Variants in NCAPH observed in about 807,000 individuals in gnomAD.
NCAPH encodes the protein condensin complex subunit 2.
NCAPH carries 38 observed loss-of-function variants against 85.5 expected under a neutral mutation model. The observed-to-expected ratio is 0.44, with a 90% CI of 0.34 to 0.58. The LOEUF (loss-of-function observed/expected upper bound fraction) is 0.58, where lower values mean the gene tolerates loss of function less well. Ranked by LOEUF, NCAPH falls within the 20% of genes least tolerant of loss-of-function variation. NCAPH has a pLI of 0.01. For missense variants in NCAPH, 789 were observed against 916.6 expected (o/e 0.86, Z 1.80); for synonymous variants, 301 against 335.1 (o/e 0.90, Z 1.11).
In NCAPH at chr2:96,352,057, G is replaced by C. The variant is rs373856040; in HGVS notation, c.910+37G>C. 1.9e-6 allele frequency: 3 copies of C among 1,546,014 alleles called. No individual in the cohort carries two copies. In the African/African-American group the frequency reaches 4.1e-5, roughly 21 times the overall value. On this transcript the variant is annotated intron_variant, in intron 7 of 17. Coordinates refer to ENST00000240423, the MANE Select transcript of NCAPH (RefSeq NM_015341.5). ...TGATGCCTTTCACCAGAGCATTTCA[G>C]TCATTGGGGAATTTTTTTACATAAC...
chr2:96,373,350 G>A lies in NCAPH; in HGVS notation c.2225G>A (p.Ter742=). 6.2e-7 allele frequency: 1 copy of A among 1,613,772 alleles called. No individual in the cohort carries two copies. Among genetic ancestry groups the A allele is most frequent in the Non-Finnish European group, 8.5e-7 (1 of 1,179,780 alleles). ...GATGTTCTTGTGAGGCAAGGAGATT[G>A]AGTTCACTATGGAGAAGTCAGCAGC... ...LSDVLVRQGD[*] is the part of the protein sequence containing the mutation. Residue 742 remains the stop codon, a stop_retained_variant, in exon 18 of 18, where the codon TGA becomes TAA. Coordinates refer to ENST00000240423, the MANE Select transcript of NCAPH (RefSeq NM_015341.5).
Position 96,364,533 on chromosome 2 carries a change from T to A in NCAPH, c.1640T>A (p.Ile547Asn), listed in dbSNP as rs2064668237. The A allele has an allele frequency of 6.2e-7, 1 of 1,613,772 alleles. No homozygotes were observed. The highest frequency in any genetic ancestry group is 1.3e-5 in the African/African-American group (1 of 74,914). The change falls in exon 13 of 18, where the codon ATT (isoleucine) becomes AAT (asparagine). Residue 547 changes from isoleucine (I) to asparagine (N), a missense_variant. Coordinates refer to ENST00000240423, the MANE Select transcript of NCAPH (RefSeq NM_015341.5). ...HRVETEHYEE[I>N]EDYDYNNPND... ...GTAGAGACTGAGCATTATGAAGAAATTGAAGACTATGATTACAACAACCCT... is the reference window on the plus strand; with the variant it reads ...GTAGAGACTGAGCATTATGAAGAAAATGAAGACTATGATTACAACAACCCT...
At chr2:96,359,780 T>C (rs1160909663) in intron 10 of NCAPH, among the ~76,000 whole-genome samples, 1 of 152,180 alleles carries the variant, frequency 6.6e-6, no homozygotes, top group African/African-American at 2.4e-5. Flanking sequence ...CATGCCAGCA[T>C]GCTCAGTTAA....
chr2:96,335,837 C>T lies in NCAPH; in HGVS notation c.8C>T (p.Pro3Leu). 1.3e-6 allele frequency: 2 copies of T among 1,497,036 alleles called. No homozygotes were observed. Among genetic ancestry groups the T allele is most frequent in the African/African-American group, 1.5e-5 (1 of 68,258 alleles). The allele number at this position is 1,497,036 out of a possible 1,614,324, so 92.7% of individuals were successfully genotyped here. A position where few individuals can be genotyped will look rare whatever the true frequency, so the allele number is the denominator to read the frequency against. The change falls in exon 1 of 18, where the codon CCT becomes CTT. Residue 3 changes from proline to leucine, a missense_variant. Coordinates refer to ENST00000240423, the MANE Select transcript of NCAPH (RefSeq NM_015341.5). ...AGGAGACGCCAAGGAAAGATGGGAC[C>T]TCCCGGCCCAGGTGAGCCGGGCGGT... Reference protein sequence around the residue: MGPPGPALPATMN... With the variant: MGLPGPALPATMN...
At chr2:96,343,598 G>A (rs191116379) in intron 5 of NCAPH, among the ~76,000 whole-genome samples, 52 of 152,248 alleles carry the variant, frequency 3.4e-4, no homozygotes, top group African/African-American at 1.2e-3. Context: ...ATGGACTTGC[G>A]TGAGAAGCCA....
chr2:96,365,814 C>A, intron 13 of NCAPH, 62 bp from the exon 14 acceptor site: 1 of 1,528,316 alleles, frequency 6.5e-7, no homozygotes, highest in South Asian at 1.1e-5. Context: ...GAGTCTATTT[C>A]AAGGGTGTTT....
intron 9 of NCAPH, 78 bp from the exon 10 acceptor site, chr2:96,358,967 A>G: frequency 4.2e-6 from 6 of 1,416,522 alleles, no homozygotes; most frequent in Non-Finnish European, 5.8e-6. Context: ...AATGCAGCTC[A>G]TTTGCGGACA....
rs1267194865 is a variant in NCAPH, at chr2:96,367,332, A to G, written c.1957A>G (p.Ser653Gly). 1 of 1,613,760 alleles carries G rather than the reference A, an allele frequency of 6.2e-7. No homozygotes were observed. The highest frequency in any genetic ancestry group is 1.3e-5 in the African/African-American group (1 of 75,052). Reference sequence around the variant, plus strand: ...GAAGAAACTGAAGCAGAGCATGTGGAGTCTGCTGACAGCGCTCTCCGGAAA... The same window carrying G: ...GAAGAAACTGAAGCAGAGCATGTGGGGTCTGCTGACAGCGCTCTCCGGAAA... ...DMKKLKQSMW[S>G]LLTALSGKEA... The change falls in exon 15 of 18, where the codon AGT becomes GGT. Residue 653 changes from serine (S) to glycine (G), a missense_variant. Transcript: ENST00000240423.
intron 3 of NCAPH, 39 bp from the exon 4 acceptor site, chr2:96,342,717 C>G: frequency 6.7e-7 from 1 of 1,483,036 alleles, no homozygotes; most frequent in African/African-American, 1.4e-5. Context: ...TGAGCCTAGG[C>G]TATAAATAAC....
At chr2:96,370,221 G>A (rs749800556) in intron 17 of NCAPH, among the ~76,000 whole-genome samples, 3 of 152,236 alleles carry the variant, frequency 2.0e-5, no homozygotes, top group Admixed American at 6.5e-5. Context: ...TTTGGCACGT[G>A]CAGTAGAGGG....
At chr2:96,346,991 C>G (rs1573070358) in intron 6 of NCAPH, among the ~76,000 whole-genome samples, 1 of 152,066 alleles carries the variant, frequency 6.6e-6, no homozygotes, top group African/African-American at 2.4e-5. Context: ...TAGTAATGAG[C>G]CATAAACTAA....
intron 12 of NCAPH, among the ~76,000 whole-genome samples, chr2:96,361,038 TC>T (rs2064600233): frequency 1.5e-5 from 2 of 136,744 alleles, no homozygotes; most frequent in Non-Finnish European, 3.2e-5. Flanking sequence ...CTTTGCTTTC[TC>T]CTTTTTTTTT....
chr2:96,369,825 G>GACT (rs1461064848), intron 17 of NCAPH, among the ~76,000 whole-genome samples: 1 of 152,198 alleles, frequency 6.6e-6, no homozygotes, highest in Non-Finnish European at 1.5e-5. Flanking sequence ...CCAAAGCCTA[G>GACT]TAGTACCAAA....
chr2:96,359,326 G>A, intron 10 of NCAPH, 133 bp downstream of exon 10: 3 of 1,147,742 alleles, frequency 2.6e-6, no homozygotes, highest in Non-Finnish European at 3.7e-6. Context: ...GCATACAGAT[G>A]AGCCAGCCTC....
At chr2:96,343,422 G>T in intron 5 of NCAPH, 118 bp downstream of exon 5, 3 of 1,287,946 alleles carry the variant, frequency 2.3e-6, no homozygotes, top group Non-Finnish European at 3.1e-6. Flanking sequence ...ATTGAAGACA[G>T]GGCATTTTTA....
chr2:96,343,376 TAGA>T (rs2064321493), intron 5 of NCAPH, 72 bp downstream of exon 5: 2 of 1,478,732 alleles, frequency 1.4e-6, no homozygotes, highest in African/African-American at 1.4e-5. Flanking sequence ...AGTAATATAC[TAGA>T]AGAAGGTCAC....
At chr2:96,345,786 T>C (rs149882490) in intron 6 of NCAPH, among the ~76,000 whole-genome samples, 2 of 152,360 alleles carry the variant, frequency 1.3e-5, no homozygotes, top group South Asian at 2.1e-4. Context: ...TGCAAAATGC[T>C]ACCCATTGGG....
chr2:96,362,776 G>A (rs1024413027), intron 12 of NCAPH, among the ~76,000 whole-genome samples: 7 of 152,212 alleles, frequency 4.6e-5, no homozygotes, highest in African/African-American at 7.2e-5. Context: ...ATGAGAAGTT[G>A]TTTCCTATGG....
At position 96,374,772 on chromosome 2, in the gene NCAPH, T is replaced by C. The variant is rs1174886633; in HGVS notation, c.*1421T>C. 6.6e-6 allele frequency among the ~76,000 whole-genome samples: 1 copy of C among 152,218 alleles called. No homozygotes were observed. Among genetic ancestry groups the C allele is most frequent in the African/African-American group, 2.4e-5 (1 of 41,466 alleles). On this transcript the variant is annotated 3_prime_UTR_variant, in exon 18 of 18. Coordinates refer to ENST00000240423, the MANE Select transcript of NCAPH (RefSeq NM_015341.5). The stretch of plus-strand genomic sequence containing the variant: ...TTGCTGGGGCTGAAGCCTCCATCAC[T>C]TTCCCAGGCCAGGTTAGTGCTGGGC...
Sources: gnomAD v4.1 joint callset for allele counts (sites outside exome capture counted in the v4.1 genomes callset) on GRCh38, gnomAD v4.1.1 for gene constraint, MANE v1.5 for transcripts, NCBI Gene and HGNC (gene_info 2026-07-23, HGNC 2026-07-21) for gene names.